Variants in CLCN3 observed in about 807,000 individuals in gnomAD.
The protein encoded by CLCN3 is H(+)/Cl(-) exchange transporter 3.
A neutral mutation model predicts 83.4 loss-of-function variants in CLCN3; 16 were observed. That is an observed-to-expected ratio of 0.19 (90% CI 0.13 to 0.29). The LOEUF is 0.29. Among genes scored for constraint, CLCN3 ranks in the 10% least tolerant of loss-of-function variants. The pLI, the probability that CLCN3 is intolerant of heterozygous loss-of-function variation, is 1.00. For missense variants in CLCN3, 544 were observed against 1,006.0 expected, an observed-to-expected ratio of 0.54 and a Z score of 6.21; for synonymous variants, 322 against 346.2, an observed-to-expected ratio of 0.93 and a Z score of 0.78.
chr4:169,672,246 A>ATAGATAGATAGATAGG (rs2150230523), intron 2 of CLCN3, among the ~76,000 whole-genome samples: 1 of 152,060 alleles, frequency 6.6e-6, no homozygotes, highest in African/African-American at 2.4e-5. Flanking sequence ...AGATAGATAG[A>ATAGATAGATAGATAGG]TAGATAGATA....
chr4:169,639,560 T>C (rs1730341808), intron 2 of CLCN3, among the ~76,000 whole-genome samples: 1 of 152,242 alleles, frequency 6.6e-6, no homozygotes, highest in African/African-American at 2.4e-5. Flanking sequence ...TTATTATATA[T>C]GTGAAACAGT....
chr4:169,674,564 G>C (rs1731604287), intron 2 of CLCN3, among the ~76,000 whole-genome samples: 1 of 152,130 alleles, frequency 6.6e-6, no homozygotes. Flanking sequence ...CTTTATTAAA[G>C]CTTTAAGATT....
chr4:169,668,734 T>A (rs1247314556), intron 2 of CLCN3, among the ~76,000 whole-genome samples: 1 of 151,994 alleles, frequency 6.6e-6, no homozygotes, highest in Non-Finnish European at 1.5e-5. Flanking sequence ...TTTTTGATTT[T>A]TTTTTTTTTT....
chr4:169,709,500 G>A (rs966518894), intron 11 of CLCN3, among the ~76,000 whole-genome samples: 5 of 151,888 alleles, frequency 3.3e-5, no homozygotes, highest in African/African-American at 9.7e-5. Flanking sequence ...CCTGGCCAAT[G>A]TGGTGAAATC....
chr4:169,688,747 C>T (rs1732255728), intron 4 of CLCN3, among the ~76,000 whole-genome samples: 1 of 152,094 alleles, frequency 6.6e-6, no homozygotes, highest in Non-Finnish European at 1.5e-5. Flanking sequence ...TGTGAACCTC[C>T]TGCCAAGTAG....
intron 1 of CLCN3, among the ~76,000 whole-genome samples, chr4:169,634,529 G>T (rs916295745): frequency 6.6e-6 from 1 of 152,096 alleles, no homozygotes; most frequent in African/African-American, 2.4e-5. Context: ...CTTTCCTATT[G>T]TTTTAATTAA....
At chr4:169,686,510 G>A (rs1298704095) in intron 3 of CLCN3, among the ~76,000 whole-genome samples, 7 of 151,382 alleles carry the variant, frequency 4.6e-5, no homozygotes, top group African/African-American at 1.2e-4. Flanking sequence ...TCCGCCTCCC[G>A]GTTTCAAGTG....
intron 4 of CLCN3, 138 bp from the exon 5 acceptor site, chr4:169,688,905 A>C: frequency 1.6e-6 from 1 of 606,528 alleles, no homozygotes; most frequent in Non-Finnish European, 2.8e-6. Context: ...AAAATTTGAA[A>C]ATCTTAAATT....
chr4:169,648,160 T>C (rs1385945595), intron 2 of CLCN3, among the ~76,000 whole-genome samples: 1 of 152,184 alleles, frequency 6.6e-6, no homozygotes, highest in East Asian at 1.9e-4. Context: ...GGACCTGGAA[T>C]AGAAAGAGGA....
intron 11 of CLCN3, among the ~76,000 whole-genome samples, chr4:169,711,097 A>G (rs563091343): frequency 1.7e-4 from 26 of 152,272 alleles, no homozygotes; most frequent in Admixed American, 9.8e-4. Flanking sequence ...TTGACTATAT[A>G]TTTCTTATAA....
At chr4:169,672,852 A>G (rs1050791023) in intron 2 of CLCN3, among the ~76,000 whole-genome samples, 15 of 151,414 alleles carry the variant, frequency 9.9e-5, no homozygotes, top group Non-Finnish European at 2.9e-5. Flanking sequence ...TTTAGTAGAG[A>G]CAGGGTTTCA....
intron 3 of CLCN3, among the ~76,000 whole-genome samples, chr4:169,684,226 T>C (rs1010922186): frequency 1.1e-4 from 16 of 152,226 alleles, no homozygotes; most frequent in African/African-American, 3.4e-4. Context: ...TTAATTGTTG[T>C]TCCTTTTTTA....
chr4:169,717,096 G>T (rs1733449637), intron 12 of CLCN3, among the ~76,000 whole-genome samples: 1 of 152,032 alleles, frequency 6.6e-6, no homozygotes, highest in Non-Finnish European at 1.5e-5. Flanking sequence ...TTTGCTTGAT[G>T]TGATAACAGT....
At chr4:169,637,672 T>C (rs1205545181) in intron 2 of CLCN3, among the ~76,000 whole-genome samples, 3 of 152,128 alleles carry the variant, frequency 2.0e-5, no homozygotes, top group Admixed American at 2.0e-4. Context: ...AGTCTTCCCA[T>C]ACCTCAAGGT....
At chr4:169,710,750 C>T (rs1733181265) in intron 11 of CLCN3, among the ~76,000 whole-genome samples, 1 of 152,024 alleles carries the variant, frequency 6.6e-6, no homozygotes, top group South Asian at 2.1e-4. Context: ...GTTATTTTGT[C>T]GGTGTTTAAG....
rs1209936036 is a variant in CLCN3 at position 169,683,744 on chromosome 4, A to T, written c.318+3537A>T. 6.4e-5 allele frequency among the ~76,000 whole-genome samples: 9 copies of T among 141,198 alleles called. No individual in the cohort carries two copies. The South Asian group carries it at 9.0e-4, about 14-fold the overall frequency. The allele number at this position is 141,198 out of a possible 152,430, so 92.6% of individuals were successfully genotyped here. On this transcript the variant is annotated intron_variant, in intron 3 of 12. Coordinates refer to ENST00000513761, the MANE Select transcript of CLCN3 (RefSeq NM_001829.4). ...ATACTTACTATTGTTCTTAAAATTA[A>T]TTTTTTTTTTTTTTTTTTAAGCAGA...
intron 2 of CLCN3, among the ~76,000 whole-genome samples, chr4:169,668,745 T>G (rs547492285): frequency 2.7e-5 from 4 of 150,518 alleles, no homozygotes; most frequent in Non-Finnish European, 4.4e-5. Context: ...TTTTTTTTTT[T>G]GTCTTAAACT....
chr4:169,647,032 G>A (rs1730592912), intron 2 of CLCN3, among the ~76,000 whole-genome samples: 1 of 152,140 alleles, frequency 6.6e-6, no homozygotes. Context: ...ACTTTCTGCA[G>A]CTATCAAACA....
At chr4:169,698,218 AT>A (rs1732642862) in intron 9 of CLCN3, among the ~76,000 whole-genome samples, 1 of 152,184 alleles carries the variant, frequency 6.6e-6, no homozygotes, top group African/African-American at 2.4e-5. Flanking sequence ...CACCTCAAGC[AT>A]TTATCCCTTG....
Sources: gnomAD v4.1 joint callset for allele counts (sites outside exome capture counted in the v4.1 genomes callset) on GRCh38, gnomAD v4.1.1 for gene constraint, MANE v1.5 for transcripts, NCBI Gene and HGNC (gene_info 2026-07-23, HGNC 2026-07-21) for gene names.